Variants in SPRY3 observed in about 807,000 individuals in gnomAD.
SPRY3 encodes the protein sprouty RTK signaling antagonist 3, also known as protein sprouty homolog 3.
SPRY3 carries 15 observed loss-of-function variants against 20.2 expected under a neutral mutation model. That is an observed-to-expected ratio of 0.74 (90% CI 0.50 to 1.14). SPRY3 has a LOEUF of 1.14. Ranked by LOEUF, SPRY3 falls within the 50% of genes most tolerant of loss-of-function variation. The probability of loss-of-function intolerance (pLI) is 0.00; values close to 1 mark genes in which losing one functional copy is unlikely to be tolerated. For synonymous variants in SPRY3, 143 were observed against 136.5 expected (o/e 1.05, Z -0.33); for missense variants, 364 against 363.9 (o/e 1.00, Z 0.00).
intron 2 of SPRY3, among the ~76,000 whole-genome samples, chrX:155,744,111 G>A (rs1217753475): frequency 2.0e-5 from 3 of 152,066 alleles, no homozygotes; most frequent in Non-Finnish European, 4.4e-5. Flanking sequence ...GGCATCTTGC[G>A]ACTCTGAGAC....
At chrX:155,695,384 C>T (rs509981) in intron 2 of SPRY3, among the ~76,000 whole-genome samples, 37,526 of 109,978 alleles carry the variant, frequency 0.34, 5,615 homozygotes, top group African/African-American at 0.57. Context: ...TAATGTGTCA[C>T]TGTTCTCTAG....
chrX:155,774,353 C>T (rs760195267), exon 4 of SPRY3: 1 of 1,614,048 alleles, frequency 6.2e-7, no homozygotes, highest in Non-Finnish European at 8.5e-7. Flanking sequence ...TGCACAGCAG[C>T]TCGCCCTCTC....
intron 2 of SPRY3, among the ~76,000 whole-genome samples, chrX:155,662,629 G>A (rs1302939603): frequency 1.1e-5 from 1 of 94,625 alleles, no homozygotes; most frequent in Non-Finnish European, 2.0e-5. Context: ...CCTTTGGAAG[G>A]CATATAATTG....
chrX:155,734,753 G>A (rs1438934575), intron 2 of SPRY3, among the ~76,000 whole-genome samples: 1 of 151,258 alleles, frequency 6.6e-6, no homozygotes, highest in African/African-American at 2.4e-5. Context: ...TTTTTTTCTT[G>A]GTTAGCCTGG....
intron 2 of SPRY3, among the ~76,000 whole-genome samples, chrX:155,663,664 T>C (rs782035844): frequency 7.2e-5 from 8 of 111,347 alleles, no homozygotes; most frequent in Non-Finnish European, 1.3e-4. Flanking sequence ...TCTTGGAAAG[T>C]TGTTAGAAAT....
At chrX:155,725,974 C>G (rs1483834473) in intron 2 of SPRY3, among the ~76,000 whole-genome samples, 1 of 152,172 alleles carries the variant, frequency 6.6e-6, no homozygotes, top group Non-Finnish European at 1.5e-5. Flanking sequence ...AAATTTCCCT[C>G]TACACACTGC....
At chrX:155,768,205 T>C (rs2091355708) in intron 3 of SPRY3, 69 bp downstream of exon 2, 1 of 150,586 alleles carries the variant, frequency 6.6e-6, no homozygotes, top group Middle Eastern at 3.4e-3. Flanking sequence ...TTGCCATTCA[T>C]TCCAGCCATC....
chrX:155,658,988 T>G (rs1392532579), intron 2 of SPRY3, among the ~76,000 whole-genome samples: 1 of 111,782 alleles, frequency 8.9e-6, no homozygotes, highest in African/African-American at 3.3e-5. Flanking sequence ...ATCACATTTA[T>G]TAATTTGCAT....
intron 2 of SPRY3, among the ~76,000 whole-genome samples, chrX:155,722,741 A>AT (rs906213584): frequency 1.1e-3 from 164 of 152,262 alleles, no homozygotes; most frequent in African/African-American, 3.9e-3. Flanking sequence ...GGCTGAATGG[A>AT]TAAAAAAAGT....
intron 2 of SPRY3, among the ~76,000 whole-genome samples, chrX:155,753,399 A>G (rs913327010): frequency 6.6e-6 from 1 of 151,874 alleles, no homozygotes; most frequent in African/African-American, 2.4e-5. Context: ...TTCAAGGTTC[A>G]TTCATATTGT....
chrX:155,753,427 C>T (rs1200665196), intron 2 of SPRY3, among the ~76,000 whole-genome samples: 2 of 151,862 alleles, frequency 1.3e-5, no homozygotes, highest in Admixed American at 6.6e-5. Flanking sequence ...ATCAGTGCTT[C>T]GTCCTTTTGT....
At chrX:155,767,622 G>A (rs777245310) in intron 2 of SPRY3, among the ~76,000 whole-genome samples, 5 of 140,918 alleles carry the variant, frequency 3.5e-5, no homozygotes, top group Admixed American at 7.2e-5. Context: ...GGAGGGGAAG[G>A]AAAATACTGG....
chrX:155,626,363 T>C (rs781817182), intron 1 of SPRY3, among the ~76,000 whole-genome samples: 49 of 111,680 alleles, frequency 4.4e-4, no homozygotes, highest in Non-Finnish European at 7.0e-4. Context: ...GAGGAATACC[T>C]ATGCAAATCC....
chrX:155,718,593 A>C (rs2091036759), intron 2 of SPRY3, among the ~76,000 whole-genome samples: 1 of 152,132 alleles, frequency 6.6e-6, no homozygotes, highest in African/African-American at 2.4e-5. Flanking sequence ...TTTCGAATAC[A>C]AAATAAAGAC....
At chrX:155,748,739 A>G (rs1014857885) in intron 2 of SPRY3, among the ~76,000 whole-genome samples, 5 of 151,876 alleles carry the variant, frequency 3.3e-5, no homozygotes, top group Non-Finnish European at 7.4e-5. Flanking sequence ...CTAACCATCC[A>G]CCATGAAGGG....
chrX:155,717,378 T>A (rs1288199929), intron 2 of SPRY3, among the ~76,000 whole-genome samples: 1 of 151,994 alleles, frequency 6.6e-6, no homozygotes, highest in Non-Finnish European at 1.5e-5. Context: ...CTGTAGGTCA[T>A]CCCTCTTGTT....
chrX:155,630,940 A>G (rs1387418851), intron 1 of SPRY3, among the ~76,000 whole-genome samples: 2 of 106,721 alleles, frequency 1.9e-5, no homozygotes, highest in African/African-American at 6.9e-5. Flanking sequence ...CTTTGATTGT[A>G]TTTTTTTTTA....
At chrX:155,623,375 GA>G (rs1238039916) in intron 1 of SPRY3, among the ~76,000 whole-genome samples, 4 of 111,491 alleles carry the variant, frequency 3.6e-5, no homozygotes, top group African/African-American at 9.8e-5. Context: ...GCACTTTTCT[GA>G]AAATAAGCCA....
intron 2 of SPRY3, among the ~76,000 whole-genome samples, chrX:155,742,313 C>A (rs1176111582): frequency 6.6e-6 from 1 of 152,082 alleles, no homozygotes; most frequent in African/African-American, 2.4e-5. Flanking sequence ...TATATATGCA[C>A]CCAATACAGA....
Sources: gnomAD v4.1 joint callset for allele counts (sites outside exome capture counted in the v4.1 genomes callset) on GRCh38, gnomAD v4.1.1 for gene constraint, MANE v1.5 for transcripts, NCBI Gene and HGNC (gene_info 2026-07-23, HGNC 2026-07-21) for gene names.